Variants in DEPTOR observed in about 807,000 individuals in gnomAD.
The protein encoded by DEPTOR is DEP domain-containing mTOR-interacting protein.
DEPTOR carries 41 observed loss-of-function variants against 41.6 expected under a neutral mutation model. The ratio of observed to expected loss-of-function variants is 0.98; its 90% CI spans 0.77 to 1.28. The LOEUF (loss-of-function observed/expected upper bound fraction) is 1.28. Ranked by LOEUF, DEPTOR falls within the 50% of genes most tolerant of loss-of-function variation. DEPTOR has a pLI of 0.00. For synonymous variants in DEPTOR, 195 were observed against 192.3 expected (o/e 1.01, Z -0.12); for missense variants, 514 against 527.9 (o/e 0.97, Z 0.26).
At chr8:120,033,214 T>C (rs1812921320) in intron 8 of DEPTOR, among the ~76,000 whole-genome samples, 1 of 151,234 alleles carries the variant, frequency 6.6e-6, no homozygotes, top group South Asian at 2.1e-4. Flanking sequence ...CAGCCTTCCA[T>C]GGAGTTGGGA....
In DEPTOR at chr8:119,981,652, C is replaced by CAAAAA. The variant is rs33975978; in HGVS notation, c.604+16254_604+16258dup. 3.1e-4 allele frequency among the ~76,000 whole-genome samples: 43 copies of CAAAAA among 136,894 alleles called. 1 individual carries two copies. The highest frequency in any genetic ancestry group is 1.2e-3 in the African/African-American group (43 of 36,352). 89.8% of individuals were successfully genotyped at this position (136,894 alleles called of 152,430 possible). On this transcript the variant is annotated intron_variant, in intron 4 of 8. Transcript: ENST00000286234. ...CAAGCAACAGAGCAAGACCCTATCT[C>CAAAAA]AAAAAAAAAAAAAAAATGTAGTTGG... is the stretch of plus-strand genomic sequence containing the variant.
At chr8:119,943,576 A>G (rs571262011) in intron 3 of DEPTOR, among the ~76,000 whole-genome samples, 212 of 152,198 alleles carry the variant, frequency 1.4e-3, no homozygotes, top group African/African-American at 4.9e-3. Context: ...GAGGATTACA[A>G]TTCGAGGTGA....
intron 8 of DEPTOR, among the ~76,000 whole-genome samples, chr8:120,014,369 C>A (rs1208265982): frequency 6.6e-6 from 1 of 152,112 alleles, no homozygotes; most frequent in East Asian, 1.9e-4. Flanking sequence ...ATGTACCTGA[C>A]CCTGAGCCGT....
intron 7 of DEPTOR, among the ~76,000 whole-genome samples, 190 bp downstream of exon 7, chr8:120,007,065 A>G (rs546899271): frequency 5.3e-5 from 8 of 152,342 alleles, no homozygotes; most frequent in African/African-American, 1.9e-4. Flanking sequence ...CACATGCGTT[A>G]TTATTAATAT....
intron 1 of DEPTOR, among the ~76,000 whole-genome samples, chr8:119,923,986 C>T (rs1375603806): frequency 1.3e-5 from 2 of 150,038 alleles, no homozygotes; most frequent in African/African-American, 2.5e-5. Flanking sequence ...CAGTTTTGTC[C>T]ATGCTTTCAA....
Position 119,957,674 on chromosome 8 carries a change from C to T in DEPTOR, c.426-7558C>T, listed in dbSNP as rs139026061. Reference sequence around the variant, plus strand: ...TGCAATCTTGGCTCACTGCAACCTCCGCCTCCTGGGTTCAAGCGATGCTCC... The same window carrying T: ...TGCAATCTTGGCTCACTGCAACCTCTGCCTCCTGGGTTCAAGCGATGCTCC... On this transcript the variant is annotated intron_variant, in intron 3 of 8. Coordinates refer to ENST00000286234, the MANE Select transcript of DEPTOR (RefSeq NM_022783.4). Among the ~76,000 whole-genome samples the T allele has an allele frequency of 4.6e-3, 692 of 151,664 alleles. 2 individuals are homozygous for T. Among genetic ancestry groups the T allele is most frequent in the African/African-American group, 0.016 (651 of 41,324 alleles).
intron 8 of DEPTOR, among the ~76,000 whole-genome samples, chr8:120,019,551 T>G (rs1287154381): frequency 1.3e-5 from 2 of 152,176 alleles, no homozygotes; most frequent in African/African-American, 2.4e-5. Context: ...CTCACGCCCG[T>G]GTAACTTTTG....
At chr8:119,930,072 A>G in intron 3 of DEPTOR, 134 bp downstream of exon 3, 1 of 1,061,272 alleles carries the variant, frequency 9.4e-7, no homozygotes, top group Non-Finnish European at 1.3e-6. Flanking sequence ...TCCATATGAG[A>G]AAACTATCAA....
At chr8:119,973,978 C>T (rs1828664664) in intron 4 of DEPTOR, among the ~76,000 whole-genome samples, 3 of 151,952 alleles carry the variant, frequency 2.0e-5, no homozygotes, top group Non-Finnish European at 4.4e-5. Context: ...AGCTAGAGGC[C>T]ACATCCAGAC....
In DEPTOR at chr8:119,961,356, C is replaced by G. The variant is rs148150716; in HGVS notation, c.426-3876C>G. 8.4e-5 allele frequency among the ~76,000 whole-genome samples: 12 copies of G among 143,544 alleles called. No individual in the cohort carries two copies. The East Asian group carries it at 2.4e-3, about 29-fold the overall frequency. The allele number at this position is 143,544 out of a possible 152,430, so 94.2% of individuals were successfully genotyped here. ...GCTTGAACCTGGGAGGTAGAGGTTG[C>G]GGTGAGCTGAGATTGCATCATTGCA... On this transcript the variant is annotated intron_variant, in intron 3 of 8. Coordinates refer to ENST00000286234, the MANE Select transcript of DEPTOR (RefSeq NM_022783.4).
intron 3 of DEPTOR, among the ~76,000 whole-genome samples, chr8:119,948,385 C>T (rs2129917878): frequency 6.6e-6 from 1 of 151,994 alleles, no homozygotes; most frequent in East Asian, 1.9e-4. Flanking sequence ...GCACTCCAGT[C>T]TGGGTGGCAG....
At chr8:120,048,236 T>C (rs6980708) in intron 8 of DEPTOR, among the ~76,000 whole-genome samples, 77,365 of 152,026 alleles carry the variant, frequency 0.51, 22,153 homozygotes, top group African/African-American at 0.79. Context: ...ATTTGAAATT[T>C]CCAAGTCTAG....
Position 119,991,052 on chromosome 8 carries a change from TTC to T in DEPTOR, c.605-10471_605-10470del, listed in dbSNP as rs1294765328. Among the ~76,000 whole-genome samples the T allele has an allele frequency of 5.3e-3, 157 of 29,532 alleles. 1 individual carries two copies. Among genetic ancestry groups the T allele is most frequent in the African/African-American group, 0.02 (152 of 7,728 alleles). The allele number at this position is 29,532 out of a possible 152,430, so 19.4% of individuals were successfully genotyped here. A position where few individuals can be genotyped will look rare whatever the true frequency, so the allele number is the denominator to read the frequency against. ...TTCTTTTCTTTCTTTCTTTCTTTCT[TTC>T]TTTCTTTCTTTCTTTCTTTCTTTCT... On this transcript the variant is annotated intron_variant, in intron 4 of 8. Transcript: ENST00000286234.
intron 4 of DEPTOR, among the ~76,000 whole-genome samples, chr8:119,994,565 C>A (rs1339416722): frequency 6.6e-6 from 1 of 152,112 alleles, no homozygotes; most frequent in Non-Finnish European, 1.5e-5. Context: ...GTTATGATTT[C>A]ATACGTTTTT....
intron 4 of DEPTOR, among the ~76,000 whole-genome samples, chr8:120,000,927 A>G (rs920877768): frequency 4.0e-5 from 6 of 151,486 alleles, no homozygotes; most frequent in African/African-American, 1.2e-4. Context: ...AAATACAAAA[A>G]TTAGCCAGGT....
chr8:120,000,672 A>T (rs546918003), intron 4 of DEPTOR, among the ~76,000 whole-genome samples: 3 of 151,044 alleles, frequency 2.0e-5, no homozygotes, highest in Admixed American at 2.0e-4. Flanking sequence ...CATGTTGGCC[A>T]GGCTGGTGTC....
chr8:120,011,593 T>C (rs911376702), intron 8 of DEPTOR, among the ~76,000 whole-genome samples: 8 of 152,214 alleles, frequency 5.3e-5, no homozygotes, highest in Admixed American at 2.0e-4. Context: ...GCATGATGCT[T>C]TGGCTTAAAG....
At chr8:120,047,287 G>C (rs540542786) in intron 8 of DEPTOR, among the ~76,000 whole-genome samples, 1 of 152,030 alleles carries the variant, frequency 6.6e-6, no homozygotes, top group African/African-American at 2.4e-5. Flanking sequence ...CTCCCAAAGT[G>C]CTGGGATTAC....
At chr8:119,941,974 C>T (rs1018434397) in intron 3 of DEPTOR, among the ~76,000 whole-genome samples, 2 of 152,212 alleles carry the variant, frequency 1.3e-5, no homozygotes, top group Non-Finnish European at 2.9e-5. Flanking sequence ...AAGTGTCTGT[C>T]ACTTGGCTCA....
Sources: allele counts gnomAD v4.1 joint callset (sites outside exome capture counted in the v4.1 genomes callset), GRCh38; gene constraint gnomAD v4.1.1; transcripts MANE v1.5; gene names NCBI Gene and HGNC (gene_info 2026-07-23, HGNC 2026-07-21).